Variants in ITPR2 observed in about 807,000 individuals in gnomAD.
The protein encoded by ITPR2 is inositol 1,4,5-trisphosphate-gated calcium channel ITPR2.
Under a neutral mutation model 317.1 loss-of-function variants are expected in ITPR2, and 207 were observed. The observed-to-expected ratio is 0.65, with a 90% CI of 0.58 to 0.73. The LOEUF (loss-of-function observed/expected upper bound fraction) is 0.73. ITPR2 is among the 30% of genes least tolerant of loss of function. The pLI is 0.00. For missense variants in ITPR2, 2,613 were observed against 3,284.0 expected, an observed-to-expected ratio of 0.80 and a Z score of 4.99; for synonymous variants, 1,156 against 1,149.1, an observed-to-expected ratio of 1.01 and a Z score of -0.12.
At chr12:26,594,740 CA>C (rs35900258) in intron 32 of ITPR2, among the ~76,000 whole-genome samples, 53 of 141,494 alleles carry the variant, frequency 3.7e-4, no homozygotes, top group Middle Eastern at 3.7e-3. Context: ...ATTCAGTATG[CA>C]AAAAAAAAAG....
rs1243184917 is a variant in ITPR2, at chr12:26,337,035, C to T, written c.*2362G>A. On this transcript the variant is annotated 3_prime_UTR_variant, in exon 57 of 57. Transcript: ENST00000381340. The stretch of plus-strand genomic sequence containing the variant: ...AGCATTTAGGCAGAAAAGAAAGAGG[C>T]ATTAAAAATACAACTCAGAAATATT... The T allele has an allele frequency of 2.1e-5, 3 of 143,492 alleles. No individual in the cohort carries two copies. Among genetic ancestry groups the T allele is most frequent in the Admixed American group, 7.2e-5 (1 of 13,902 alleles). 8.9% of individuals were successfully genotyped at this position (143,492 alleles called of 1,614,324 possible).
chr12:26,809,956 T>G (rs1385547175), intron 1 of ITPR2, among the ~76,000 whole-genome samples: 1 of 152,224 alleles, frequency 6.6e-6, no homozygotes, highest in Admixed American at 6.5e-5. Context: ...ATACATCCAT[T>G]AGAAGACAAA....
At chr12:26,792,379 T>C (rs760423167) in intron 1 of ITPR2, among the ~76,000 whole-genome samples, 18 of 151,522 alleles carry the variant, frequency 1.2e-4, no homozygotes, top group Non-Finnish European at 2.2e-4. Context: ...AGGATTTTAA[T>C]GGTAATTGGA....
intron 3 of ITPR2, 64 bp downstream of exon 3, chr12:26,725,586 A>G: frequency 9.2e-7 from 1 of 1,084,598 alleles, no homozygotes; most frequent in Non-Finnish European, 1.4e-6. Context: ...AAAGCTCTAA[A>G]TACATTTTTA....
chr12:26,770,492 T>C (rs1255036196), intron 2 of ITPR2, among the ~76,000 whole-genome samples: 3 of 152,318 alleles, frequency 2.0e-5, no homozygotes, highest in Admixed American at 6.5e-5. Flanking sequence ...TCTGTGCTTC[T>C]ACAGTCTCTT....
intron 55 of ITPR2, among the ~76,000 whole-genome samples, chr12:26,360,997 T>C (rs1938811227): frequency 1.3e-5 from 2 of 152,124 alleles, no homozygotes; most frequent in African/African-American, 4.8e-5. Flanking sequence ...GTGGATCACC[T>C]GAGGTCAGGA....
chr12:26,398,937 A>G lies in ITPR2; in HGVS notation c.7635T>C (p.Ala2545=). The change falls in exon 54 of 57, where the codon GCT becomes GCC. Residue 2545 remains alanine (A), a synonymous_variant. Transcript: ENST00000381340. The stretch of plus-strand genomic sequence containing the variant: ...TTTTCTGTTTTTCGCTTCTGAGATC[A>G]GCAAAAGTATCGATGATAACACCAA... ...LIFGVIIDTF[A]DLRSEKQKKE... is the part of the protein sequence containing the mutation. 6.2e-7 allele frequency: 1 copy of G among 1,611,426 alleles called. No individual in the cohort carries two copies. The highest frequency in any genetic ancestry group is 8.5e-7 in the Non-Finnish European group (1 of 1,179,344).
intron 35 of ITPR2, among the ~76,000 whole-genome samples, chr12:26,560,883 T>C (rs1205106947): frequency 6.6e-6 from 1 of 152,188 alleles, no homozygotes; most frequent in Non-Finnish European, 1.5e-5. Flanking sequence ...AAAAAACTTC[T>C]TCAAACTATA....
intron 2 of ITPR2, among the ~76,000 whole-genome samples, chr12:26,735,136 G>A (rs767930011): frequency 2.6e-5 from 4 of 152,050 alleles, no homozygotes; most frequent in Non-Finnish European, 5.9e-5. Flanking sequence ...GAGAAGCTGG[G>A]ATTACAGGCA....
intron 55 of ITPR2, among the ~76,000 whole-genome samples, chr12:26,357,148 T>G (rs1479015394): frequency 6.6e-6 from 1 of 151,994 alleles, no homozygotes; most frequent in Non-Finnish European, 1.5e-5. Flanking sequence ...TACATAGTGT[T>G]GGGAGGTTAT....
chr12:26,650,372 G>A (rs972603248), intron 21 of ITPR2, among the ~76,000 whole-genome samples: 10 of 152,206 alleles, frequency 6.6e-5, no homozygotes, highest in South Asian at 2.1e-4. Context: ...TGTTAGATAC[G>A]TGTCATTATA....
intron 47 of ITPR2, 66 bp downstream of exon 47, chr12:26,439,061 T>C: frequency 5.4e-6 from 5 of 928,156 alleles, no homozygotes; most frequent in Non-Finnish European, 8.3e-6. Flanking sequence ...CTGCATCATG[T>C]GTCCCAAAGT....
intron 1 of ITPR2, among the ~76,000 whole-genome samples, chr12:26,825,060 T>C (rs1592163065): frequency 6.6e-6 from 1 of 152,220 alleles, no homozygotes; most frequent in East Asian, 1.9e-4. Context: ...GGCAACACCC[T>C]ATCTCTACTA....
Position 26,495,142 on chromosome 12 carries a change from C to G in ITPR2, c.5182+10G>C. ...AATCCTAAAATGAGAAAACAAATGA[C>G]AGGACTTACCTCCCACCTGTGCAGT... On this transcript the variant is annotated intron_variant, in intron 38 of 56. Coordinates refer to ENST00000381340, the MANE Select transcript of ITPR2 (RefSeq NM_002223.4). 7.2e-7 allele frequency: 1 copy of G among 1,391,834 alleles called. No homozygotes were observed. Among genetic ancestry groups the G allele is most frequent in the Non-Finnish European group, 1.0e-6 (1 of 976,014 alleles). 86.2% of individuals were successfully genotyped at this position (1,391,834 alleles called of 1,614,324 possible).
chr12:26,552,264 T>C (rs1220132858), intron 36 of ITPR2, among the ~76,000 whole-genome samples: 1 of 152,064 alleles, frequency 6.6e-6, no homozygotes, highest in Non-Finnish European at 1.5e-5. Context: ...TCATAGCTCA[T>C]TGCAGCCTAG....
At position 26,359,056 on chromosome 12, in the gene ITPR2, T is replaced by C. The variant is rs528655188; in HGVS notation, c.7858-18728A>G. 4.6e-5 allele frequency among the ~76,000 whole-genome samples: 7 copies of C among 152,378 alleles called. No individual in the cohort carries two copies. The South Asian group carries it at 1.0e-3, about 23-fold the overall frequency. ...TCATTAGCTGACATTGCCTACATCA[T>C]ATAGTCATTTGTCTCCAATAGTAGA... is the stretch of plus-strand genomic sequence containing the variant. On this transcript the variant is annotated intron_variant, in intron 55 of 56. Transcript: ENST00000381340.
At chr12:26,341,717 A>T (rs1250468471) in intron 55 of ITPR2, among the ~76,000 whole-genome samples, 1 of 152,240 alleles carries the variant, frequency 6.6e-6, no homozygotes, top group Non-Finnish European at 1.5e-5. Flanking sequence ...ATCCTTCAGC[A>T]TCTATTGTTA....
intron 39 of ITPR2, among the ~76,000 whole-genome samples, chr12:26,492,819 T>C (rs1432322893): frequency 6.6e-6 from 1 of 152,030 alleles, no homozygotes; most frequent in African/African-American, 2.4e-5. Context: ...GAATTTTAAA[T>C]GCTCTCACTA....
intron 7 of ITPR2, 124 bp downstream of exon 7, chr12:26,715,628 G>C: frequency 4.0e-6 from 3 of 757,238 alleles, no homozygotes; most frequent in Non-Finnish European, 6.4e-6. Flanking sequence ...CTTAGAGTAA[G>C]TATTAACATG....
Sources: allele counts gnomAD v4.1 joint callset (sites outside exome capture counted in the v4.1 genomes callset), GRCh38; gene constraint gnomAD v4.1.1; transcripts MANE v1.5; gene names NCBI Gene and HGNC (gene_info 2026-07-23, HGNC 2026-07-21).